ADGRL3: variants seen among roughly 807,000 people sequenced by gnomAD.
ADGRL3 encodes the protein calcium-independent alpha-latrotoxin receptor 3.
In ADGRL3, 62 loss-of-function variants were observed where a neutral mutation model predicts 153.5. That is an observed-to-expected ratio of 0.40 (90% CI 0.33 to 0.50). The LOEUF (loss-of-function observed/expected upper bound fraction) is 0.50. ADGRL3 is among the 20% of genes least tolerant of loss of function. The probability of loss-of-function intolerance (pLI) is 0.47; values close to 1 mark genes in which losing one functional copy is unlikely to be tolerated. For missense variants in ADGRL3, 1,641 were observed against 1,859.4 expected (o/e 0.88, Z 2.16); for synonymous variants, 710 against 672.5 (o/e 1.06, Z -0.86).
rs1431499904 is a variant in ADGRL3, at chr4:61,775,903, A to AT, written c.1400-37903dup. 1.5e-3 allele frequency: 361 copies of AT among 247,080 alleles called. 1 individual carries two copies. Among genetic ancestry groups the AT allele is most frequent in the Non-Finnish European group, 1.8e-3 (243 of 134,050 alleles). The allele number at this position is 247,080 out of a possible 1,614,324, so 15.3% of individuals were successfully genotyped here. On this transcript the variant is annotated intron_variant, in intron 8 of 26. Transcript: ENST00000683033. The stretch of plus-strand genomic sequence containing the variant: ...CTTGTTTTTATTTATTTATTTATTT[A>AT]TTTATTTATTTTTTTGAGACGGAGT...
chr4:61,360,967 C>T (rs1048205959), intron 1 of ADGRL3, among the ~76,000 whole-genome samples: 1 of 152,050 alleles, frequency 6.6e-6, no homozygotes, highest in African/African-American at 2.4e-5. Flanking sequence ...GTTTGTATTG[C>T]CAGTGAAGAA....
chr4:61,370,802 G>A (rs1286832013), intron 1 of ADGRL3, among the ~76,000 whole-genome samples: 33 of 152,142 alleles, frequency 2.2e-4, no homozygotes, highest in African/African-American at 4.6e-4. Flanking sequence ...TTTCTGTCTC[G>A]TTGATCTGTC....
At chr4:61,215,263 T>G (rs2148918440) in intron 1 of ADGRL3, among the ~76,000 whole-genome samples, 1 of 152,304 alleles carries the variant, frequency 6.6e-6, no homozygotes, top group Non-Finnish European at 1.5e-5. Context: ...TAATGCTTGA[T>G]AAATAAATGA....
In ADGRL3 at chr4:61,732,822, T is replaced by C; in HGVS notation, c.667T>C (p.Ser223Pro). 1 of 1,610,500 alleles carries C rather than the reference T, an allele frequency of 6.2e-7. No individual in the cohort carries two copies. Among genetic ancestry groups the C allele is most frequent in the Non-Finnish European group, 8.5e-7 (1 of 1,178,286 alleles). The part of the protein sequence containing the change: ...SEHLFESDHQ[S>P]GAWCKDPLQA... ...ACATTTGTTTGAGTCCGACCACCAA[T>C]CTGGGGCGTGGTGCAAAGACCCTCT... is the stretch of plus-strand genomic sequence containing the variant. Residue 223 changes from serine to proline, a missense_variant, in exon 8 of 27, where the codon TCT becomes CCT. Ser to Pro is a moderately conservative substitution (Grantham distance 74). Transcript: ENST00000683033.
At chr4:61,775,898 TA>T (rs2097142698) in intron 8 of ADGRL3, 6 of 253,254 alleles carry the variant, frequency 2.4e-5, no homozygotes, top group Middle Eastern at 1.4e-3. Flanking sequence ...TTTATTTATT[TA>T]TTTATTTATT....
At chr4:61,706,421 C>A (rs2095858846) in intron 6 of ADGRL3, among the ~76,000 whole-genome samples, 1 of 90,950 alleles carries the variant, frequency 1.1e-5, no homozygotes, top group African/African-American at 4.8e-5. Context: ...GTGAGACTCC[C>A]TCTCAAAAAA....
At chr4:61,205,401 T>C (rs2148747091) in intron 1 of ADGRL3, among the ~76,000 whole-genome samples, 1 of 152,306 alleles carries the variant, frequency 6.6e-6, no homozygotes, top group South Asian at 2.1e-4. Flanking sequence ...ATGGTGTGAA[T>C]GGCTAGAGTA....
intron 3 of ADGRL3, among the ~76,000 whole-genome samples, chr4:61,508,669 G>T (rs2098445286): frequency 6.6e-6 from 1 of 152,120 alleles, no homozygotes. Flanking sequence ...TGAGGCAAAT[G>T]ATCCTGTCAC....
intron 17 of ADGRL3, among the ~76,000 whole-genome samples, chr4:61,967,961 G>C (rs1351054381): frequency 1.3e-5 from 2 of 152,148 alleles, no homozygotes; most frequent in Non-Finnish European, 2.9e-5. Context: ...AGAAGGCAGA[G>C]GGCAAGAGAA....
At chr4:62,000,628 G>A (rs1437041412) in intron 21 of ADGRL3, among the ~76,000 whole-genome samples, 2 of 151,980 alleles carry the variant, frequency 1.3e-5, no homozygotes, top group Non-Finnish European at 2.9e-5. Context: ...TCTTTGAAAT[G>A]GGTATAATAA....
intron 4 of ADGRL3, among the ~76,000 whole-genome samples, chr4:61,579,080 C>T (rs1055813621): frequency 1.2e-4 from 18 of 152,022 alleles, no homozygotes. Context: ...TGTGTTAACT[C>T]TGAAGCTTCT....
At chr4:61,358,645 A>G (rs1190733167) in intron 1 of ADGRL3, among the ~76,000 whole-genome samples, 1 of 150,028 alleles carries the variant, frequency 6.7e-6, no homozygotes, top group African/African-American at 2.4e-5. Flanking sequence ...GTCTTCTTGA[A>G]AAACTTTTCT....
At chr4:61,560,014 A>G (rs1395107270) in intron 4 of ADGRL3, among the ~76,000 whole-genome samples, 1 of 152,034 alleles carries the variant, frequency 6.6e-6, no homozygotes, top group East Asian at 1.9e-4. Flanking sequence ...AAAAGTACTA[A>G]TCCTTCAAGA....
chr4:61,906,537 A>T (rs1004633033), intron 11 of ADGRL3: 1 of 152,082 alleles, frequency 6.6e-6, no homozygotes, highest in African/African-American at 2.4e-5. Flanking sequence ...CTCTTTGTAT[A>T]TCTGTGGGAT....
At chr4:61,372,764 G>C (rs2096551381) in intron 1 of ADGRL3, among the ~76,000 whole-genome samples, 2 of 152,106 alleles carry the variant, frequency 1.3e-5, no homozygotes, top group South Asian at 2.1e-4. Context: ...CACCCAGTTC[G>C]AGCTTCCCGG....
chr4:61,588,107 A>T (rs916669544), intron 5 of ADGRL3, among the ~76,000 whole-genome samples: 1 of 151,716 alleles, frequency 6.6e-6, no homozygotes, highest in Non-Finnish European at 1.5e-5. Context: ...TTATGTTAAA[A>T]TGTCTTGATA....
intron 15 of ADGRL3, among the ~76,000 whole-genome samples, chr4:61,939,562 C>T (rs571634149): frequency 7.9e-5 from 12 of 152,104 alleles, no homozygotes; most frequent in Middle Eastern, 3.4e-3. Context: ...CTCCACCTCC[C>T]GGATTCAAGT....
intron 25 of ADGRL3, among the ~76,000 whole-genome samples, chr4:62,060,848 T>C (rs1412826102): frequency 6.6e-6 from 1 of 151,952 alleles, no homozygotes; most frequent in East Asian, 1.9e-4. Context: ...AAATCTGCCA[T>C]TGCACTATGT....
intron 5 of ADGRL3, among the ~76,000 whole-genome samples, chr4:61,660,354 T>A (rs2150561331): frequency 6.6e-6 from 1 of 152,302 alleles, no homozygotes; most frequent in African/African-American, 2.4e-5. Context: ...CTTGCACAAT[T>A]GTTACTTTGA....
Sources: gnomAD v4.1 joint callset for allele counts (sites outside exome capture counted in the v4.1 genomes callset) on GRCh38, gnomAD v4.1.1 for gene constraint, MANE v1.5 for transcripts, NCBI Gene and HGNC (gene_info 2026-07-23, HGNC 2026-07-21) for gene names.